Variants in NAV2 observed in about 807,000 individuals in gnomAD.
The protein encoded by NAV2 is helicase, APC down-regulated 1.
Under a neutral mutation model 223.2 loss-of-function variants are expected in NAV2, and 54 were observed. The observed-to-expected ratio is 0.24, with a 90% confidence interval of 0.19 to 0.30. The LOEUF is 0.30. Ranked by LOEUF, NAV2 falls within the 10% of genes least tolerant of loss-of-function variation. The pLI is 1.00. For missense variants in NAV2, 2,806 were observed against 3,147.5 expected (o/e 0.89, Z 2.60); for synonymous variants, 1,279 against 1,239.3 (o/e 1.03, Z -0.67).
chr11:19,963,184 G>T (rs191238636), intron 10 of NAV2, among the ~76,000 whole-genome samples: 30 of 152,270 alleles, frequency 2.0e-4, no homozygotes, highest in African/African-American at 5.5e-4. Context: ...TATGTGCTAG[G>T]CACTGTGTTG....
chr11:19,585,932 G>T (rs2135082056), intron 1 of NAV2, among the ~76,000 whole-genome samples: 1 of 152,292 alleles, frequency 6.6e-6, no homozygotes, highest in African/African-American at 2.4e-5. Flanking sequence ...GGCCTGCCTT[G>T]CTAGATTGGG....
intron 1 of NAV2, among the ~76,000 whole-genome samples, chr11:19,410,361 G>A (rs1192262999): frequency 1.3e-5 from 2 of 152,128 alleles, no homozygotes; most frequent in African/African-American, 2.4e-5. Flanking sequence ...TGTTAAGTGT[G>A]CCCTGCACTA....
At chr11:19,492,555 A>G (rs1274839760) in intron 1 of NAV2, among the ~76,000 whole-genome samples, 1 of 152,098 alleles carries the variant, frequency 6.6e-6, no homozygotes, top group African/African-American at 2.4e-5. Context: ...ATCAGAGGGT[A>G]AGCTGGAAGG....
intron 1 of NAV2, among the ~76,000 whole-genome samples, chr11:19,715,947 C>T (rs1200343965): frequency 2.0e-5 from 3 of 152,212 alleles, no homozygotes; most frequent in East Asian, 3.8e-4. Flanking sequence ...GGGCTCTTCC[C>T]TGTGGCAGAT....
intron 1 of NAV2, among the ~76,000 whole-genome samples, chr11:19,748,982 C>G (rs1420717802): frequency 6.6e-6 from 1 of 152,238 alleles, no homozygotes; most frequent in Non-Finnish European, 1.5e-5. Context: ...GCTTCTAACT[C>G]TCAGTTTGTG....
intron 1 of NAV2, among the ~76,000 whole-genome samples, chr11:19,438,309 A>G (rs980444184): frequency 4.6e-5 from 7 of 152,358 alleles, no homozygotes; most frequent in Admixed American, 1.3e-4. Context: ...AAGATTAAGT[A>G]GCAGTCATCA....
intron 10 of NAV2, among the ~76,000 whole-genome samples, chr11:19,954,881 G>T (rs2047703065): frequency 6.8e-6 from 1 of 146,862 alleles, no homozygotes; most frequent in South Asian, 2.2e-4. Flanking sequence ...GCATGTGTGT[G>T]TGTGTATGTA....
intron 1 of NAV2, among the ~76,000 whole-genome samples, chr11:19,827,214 G>C (rs2059684365): frequency 6.6e-6 from 1 of 152,138 alleles, no homozygotes. Context: ...ATGTGTAGGT[G>C]TATCATTTCA....
At chr11:19,811,717 C>T (rs1445811805) in intron 1 of NAV2, among the ~76,000 whole-genome samples, 1 of 152,158 alleles carries the variant, frequency 6.6e-6, no homozygotes, top group Non-Finnish European at 1.5e-5. Flanking sequence ...AAATGACTGC[C>T]TCCTCTTCCT....
At chr11:19,846,733 A>C (rs183974588) in intron 3 of NAV2, among the ~76,000 whole-genome samples, 54 of 152,312 alleles carry the variant, frequency 3.5e-4, no homozygotes, top group Middle Eastern at 3.4e-3. Flanking sequence ...CTCAAGCCTG[A>C]TGCTTTTCCA....
At chr11:19,783,664 G>A (rs1315628060) in intron 1 of NAV2, among the ~76,000 whole-genome samples, 3 of 152,122 alleles carry the variant, frequency 2.0e-5, no homozygotes, top group African/African-American at 4.8e-5. Context: ...TCCTAGCTCT[G>A]CCAATGATCT....
intron 30 of NAV2, among the ~76,000 whole-genome samples, 173 bp downstream of exon 30, chr11:20,095,940 A>G (rs2061234673): frequency 6.6e-6 from 1 of 152,194 alleles, no homozygotes; most frequent in Non-Finnish European, 1.5e-5. Context: ...TGGAAGGACA[A>G]TGGTAAGTAC....
chr11:19,424,222 G>C (rs771755350), intron 1 of NAV2, among the ~76,000 whole-genome samples: 14 of 152,174 alleles, frequency 9.2e-5, no homozygotes, highest in Non-Finnish European at 1.9e-4. Flanking sequence ...TTTCTGCACG[G>C]TGGCTAATAT....
At chr11:19,827,001 C>A (rs574999859) in intron 1 of NAV2, among the ~76,000 whole-genome samples, 1 of 152,254 alleles carries the variant, frequency 6.6e-6, no homozygotes, top group South Asian at 2.1e-4. Context: ...TCTACATCTG[C>A]TATATCACAG....
At chr11:19,940,118 G>T (rs2046288579) in intron 8 of NAV2, among the ~76,000 whole-genome samples, 1 of 151,936 alleles carries the variant, frequency 6.6e-6, no homozygotes, top group Non-Finnish European at 1.5e-5. Flanking sequence ...TTCAGATAAA[G>T]TTGCTTTTCA....
In NAV2 at chr11:20,037,043, C is replaced by T. The variant is rs1373850987; in HGVS notation, c.2907+946C>T. Among the ~76,000 whole-genome samples the T allele has an allele frequency of 2.0e-5, 3 of 152,208 alleles. No individual in the cohort carries two copies. In the East Asian group the frequency reaches 5.8e-4, roughly 29 times the overall value. ...GAAACGTAAAGTGCTGTCCTCACAG[C>T]TTGTCCCCAGTTTGGGACTGACCAG... On this transcript the variant is annotated intron_variant, in intron 12 of 37. Transcript: ENST00000349880.
chr11:19,522,477 G>A (rs1269658239), intron 1 of NAV2, among the ~76,000 whole-genome samples: 1 of 152,162 alleles, frequency 6.6e-6, no homozygotes, highest in African/African-American at 2.4e-5. Flanking sequence ...CAGCAGTAAG[G>A]GGCCAGCAAC....
chr11:19,810,873 C>A lies in NAV2; in HGVS notation c.268-21611C>A, dbSNP rs375931703. Among the ~76,000 whole-genome samples the A allele has an allele frequency of 2.0e-4, 31 of 152,318 alleles. No individual in the cohort carries two copies. The East Asian group carries it at 5.4e-3, about 27-fold the overall frequency. ...AATGCCATATATTTCTCCTTTGTAC[C>A]TTTTGTCACCGTTTCCCTTTGGCAT... On this transcript the variant is annotated intron_variant, in intron 1 of 37. Coordinates refer to ENST00000349880, the MANE Select transcript of NAV2 (RefSeq NM_145117.5).
At chr11:19,533,621 CCTT>C (rs1203806802) in intron 1 of NAV2, among the ~76,000 whole-genome samples, 6 of 152,202 alleles carry the variant, frequency 3.9e-5, no homozygotes, top group South Asian at 2.1e-4. Context: ...CATACTGAAA[CCTT>C]CTCTGAGACG....
Sources: gnomAD v4.1 joint callset for allele counts (sites outside exome capture counted in the v4.1 genomes callset) on GRCh38, gnomAD v4.1.1 for gene constraint, MANE v1.5 for transcripts, NCBI Gene and HGNC (gene_info 2026-07-23, HGNC 2026-07-21) for gene names.